RBFOX1: variants seen among roughly 807,000 people sequenced by gnomAD.
The protein encoded by RBFOX1 is RNA binding protein fox-1 homolog 1.
Under a neutral mutation model 57.7 loss-of-function variants are expected in RBFOX1, and 8 were observed. The observed-to-expected ratio is 0.14, with a 90% CI of 0.08 to 0.25. The LOEUF (loss-of-function observed/expected upper bound fraction) is 0.25, where lower values mean the gene tolerates loss of function less well. Among genes scored for constraint, RBFOX1 ranks in the 10% least tolerant of loss-of-function variants. The probability of loss-of-function intolerance (pLI) is 1.00; values close to 1 mark genes in which losing one functional copy is unlikely to be tolerated. For missense variants in RBFOX1, 611 were observed against 548.5 expected (o/e 1.11, Z -1.14); for synonymous variants, 326 against 222.4 (o/e 1.47, Z -4.15).
At chr16:6,507,760 C>T (rs556448667) in intron 2 of RBFOX1, among the ~76,000 whole-genome samples, 1 of 151,744 alleles carries the variant, frequency 6.6e-6, no homozygotes, top group Non-Finnish European at 1.5e-5. Flanking sequence ...TATAAAGTAT[C>T]TAAAGTAGTC....
At chr16:6,241,710 A>G (rs2097541005) in intron 1 of RBFOX1, among the ~76,000 whole-genome samples, 2 of 152,206 alleles carry the variant, frequency 1.3e-5, no homozygotes, top group Non-Finnish European at 2.9e-5. Context: ...AATGCAAACA[A>G]TCAACACCAA....
intron 1 of RBFOX1, among the ~76,000 whole-genome samples, chr16:5,375,145 C>G (rs937431723): frequency 7.4e-6 from 1 of 135,328 alleles, no homozygotes; most frequent in African/African-American, 2.8e-5. Flanking sequence ...TGCTAGGTTA[C>G]ATAGAGTTAA....
chr16:6,597,954 G>C (rs114983648), intron 2 of RBFOX1, among the ~76,000 whole-genome samples: 4,453 of 152,264 alleles, frequency 0.029, 222 homozygotes, highest in African/African-American at 0.1. Context: ...AAGGAACTTT[G>C]GTCCTTAATA....
intron 3 of RBFOX1, among the ~76,000 whole-genome samples, chr16:5,747,356 G>A (rs1597082556): frequency 6.6e-6 from 1 of 152,140 alleles, no homozygotes; most frequent in Non-Finnish European, 1.5e-5. Context: ...TGTTTTTGTT[G>A]TGTCTCTGCC....
At chr16:7,151,887 G>A (rs1029516429) in intron 4 of RBFOX1, among the ~76,000 whole-genome samples, 1 of 152,136 alleles carries the variant, frequency 6.6e-6, no homozygotes, top group South Asian at 2.1e-4. Context: ...TAATGCTGCT[G>A]CCGATCTGAC....
At chr16:7,353,896 G>C (rs939905685) in intron 4 of RBFOX1, among the ~76,000 whole-genome samples, 1 of 152,158 alleles carries the variant, frequency 6.6e-6, no homozygotes, top group African/African-American at 2.4e-5. Context: ...TTCTAGAATT[G>C]TACAACTATC....
chr16:5,419,203 G>C (rs549532719), intron 1 of RBFOX1, among the ~76,000 whole-genome samples: 20 of 152,272 alleles, frequency 1.3e-4, no homozygotes, highest in African/African-American at 4.1e-4. Flanking sequence ...TTATGTAAAG[G>C]GGAGCTTATT....
chr16:6,347,207 T>A (rs1485405174), intron 2 of RBFOX1, among the ~76,000 whole-genome samples: 1 of 152,156 alleles, frequency 6.6e-6, no homozygotes, highest in East Asian at 1.9e-4. Flanking sequence ...TTTCCTGGAA[T>A]AGTAAAGTGA....
intron 3 of RBFOX1, among the ~76,000 whole-genome samples, chr16:6,690,597 T>C (rs75206756): frequency 0.072 from 10,890 of 152,124 alleles, 820 homozygotes; most frequent in East Asian, 0.39. Context: ...TGTATCATTA[T>C]TTAGTAAGAC....
At chr16:6,851,643 C>A (rs2094070700) in intron 3 of RBFOX1, among the ~76,000 whole-genome samples, 1 of 152,094 alleles carries the variant, frequency 6.6e-6, no homozygotes, top group African/African-American at 2.4e-5. Context: ...CTCCTGTTGT[C>A]AGGGAAAGAA....
At chr16:6,639,234 A>G (rs1453143563) in intron 2 of RBFOX1, among the ~76,000 whole-genome samples, 1 of 152,192 alleles carries the variant, frequency 6.6e-6, no homozygotes, top group Non-Finnish European at 1.5e-5. Flanking sequence ...TGGACTGCCC[A>G]TTGGATGTCT....
At chr16:7,637,133 A>C (rs1390506920) in intron 11 of RBFOX1, among the ~76,000 whole-genome samples, 1 of 152,150 alleles carries the variant, frequency 6.6e-6, no homozygotes, top group Non-Finnish European at 1.5e-5. Flanking sequence ...TATGCTTATC[A>C]ATGCCAATGA....
intron 5 of RBFOX1, 116 bp downstream of exon 5, chr16:7,518,505 C>G (rs1667827970): frequency 5.8e-6 from 8 of 1,372,614 alleles, no homozygotes; most frequent in Admixed American, 5.1e-5. Context: ...AGATCAGTCC[C>G]TAAGCCCACC....
At chr16:5,688,120 G>A (rs1187991395) in intron 3 of RBFOX1, among the ~76,000 whole-genome samples, 2 of 152,136 alleles carry the variant, frequency 1.3e-5, no homozygotes, top group Admixed American at 6.6e-5. Context: ...TTATACTCTT[G>A]TAGTTCTAAG....
At chr16:7,425,550 T>C (rs2098602306) in intron 4 of RBFOX1, among the ~76,000 whole-genome samples, 1 of 152,244 alleles carries the variant, frequency 6.6e-6, no homozygotes, top group African/African-American at 2.4e-5. Flanking sequence ...GCGGTCTCTT[T>C]TGTTTCCAAG....
chr16:6,002,107 G>A (rs933611780), intron 4 of RBFOX1, among the ~76,000 whole-genome samples: 1 of 151,842 alleles, frequency 6.6e-6, no homozygotes, highest in African/African-American at 2.4e-5. Flanking sequence ...CAGTAGCTGG[G>A]ACTACAAGCA....
chr16:6,942,614 C>T (rs55983964), intron 3 of RBFOX1, among the ~76,000 whole-genome samples: 14,475 of 152,140 alleles, frequency 0.095, 907 homozygotes, highest in Non-Finnish European at 0.14. Context: ...GTGGACTTTT[C>T]AGTGCAGGAG....
chr16:5,895,074 AC>A (rs1369317960), intron 4 of RBFOX1, among the ~76,000 whole-genome samples: 2 of 150,102 alleles, frequency 1.3e-5, no homozygotes, highest in Non-Finnish European at 2.9e-5. Flanking sequence ...CAAGTACTGA[AC>A]TCTGAGAGAG....
intron 2 of RBFOX1, among the ~76,000 whole-genome samples, chr16:6,632,045 T>C (rs1029701169): frequency 2.6e-5 from 4 of 152,140 alleles, no homozygotes; most frequent in African/African-American, 7.2e-5. Flanking sequence ...GTTTGGATAA[T>C]GTTTGGACAA....
Sources: allele counts gnomAD v4.1 joint callset (sites outside exome capture counted in the v4.1 genomes callset), GRCh38; gene constraint gnomAD v4.1.1; transcripts MANE v1.5; gene names NCBI Gene and HGNC (gene_info 2026-07-23, HGNC 2026-07-21).